Variants in DNAAF10 observed in about 807,000 individuals in gnomAD.
DNAAF10 encodes WD repeat domain 92.
Under a neutral mutation model 43.7 loss-of-function variants are expected in DNAAF10, and 28 were observed. The observed-to-expected ratio is 0.64, with a 90% CI of 0.48 to 0.88. DNAAF10 has a LOEUF of 0.88. Ranked by LOEUF, DNAAF10 falls within the 40% of genes least tolerant of loss-of-function variation. The pLI, the probability that DNAAF10 is intolerant of heterozygous loss-of-function variation, is 0.00. For synonymous variants in DNAAF10, 156 were observed against 157.3 expected (o/e 0.99, Z 0.06); for missense variants, 403 against 439.1 (o/e 0.92, Z 0.73).
chr2:68,149,868 C>A (rs1249996998), intron 1 of DNAAF10, among the ~76,000 whole-genome samples: 5 of 152,212 alleles, frequency 3.3e-5, no homozygotes, highest in Non-Finnish European at 7.3e-5. Flanking sequence ...TGGAAGCAGA[C>A]CCTCTGAGGT....
intron 6 of DNAAF10, among the ~76,000 whole-genome samples, chr2:68,136,711 C>G (rs1279464346): frequency 6.6e-6 from 1 of 152,018 alleles, no homozygotes; most frequent in African/African-American, 2.4e-5. Flanking sequence ...CAGAAACTAT[C>G]TTTTTTTTAA....
intron 3 of DNAAF10, among the ~76,000 whole-genome samples, chr2:68,142,299 C>T (rs1673199552): frequency 6.6e-6 from 1 of 152,140 alleles, no homozygotes; most frequent in Admixed American, 6.5e-5. Flanking sequence ...CTCACTCTGT[C>T]GCCCAGGAAT....
In DNAAF10 at chr2:68,130,914, CTTTTTTT is replaced by C. The variant is rs879114176; in HGVS notation, c.*317_*323del. 7 of 122,594 alleles carry C rather than the reference CTTTTTTT, an allele frequency of 5.7e-5. No individual in the cohort carries two copies. The highest frequency in any genetic ancestry group is 1.8e-4 in the South Asian group (1 of 5,488). 7.6% of individuals were successfully genotyped at this position (122,594 alleles called of 1,614,324 possible). A position where few individuals can be genotyped will look rare whatever the true frequency, so the allele number is the denominator to read the frequency against. ...CTCTGGAAGGTTTCAAGTCCAAAGT[CTTTTTTT>C]TTTTTTTTTTTTTTGAGACAGTCTT... On this transcript the variant is annotated 3_prime_UTR_variant, in exon 8 of 8. Coordinates refer to ENST00000295121, the MANE Select transcript of DNAAF10 (RefSeq NM_138458.4).
rs141727712 is a variant in DNAAF10 at position 68,138,758 on chromosome 2, G to C, written c.617C>G (p.Thr206Arg). 2.5e-6 allele frequency: 4 copies of C among 1,613,016 alleles called. No individual in the cohort carries two copies. The highest frequency in any genetic ancestry group is 3.4e-6 in the Non-Finnish European group (4 of 1,179,326). Residue 206 changes from threonine to arginine, a missense_variant, in exon 5 of 8, where the codon ACA (threonine) becomes AGA (arginine). By Grantham distance (71) the Thr-to-Arg change is moderately conservative (BLOSUM62 -1). Transcript: ENST00000295121. Reference sequence around the variant, plus strand: ...GTACTTTACCCCATTTTTGATGTTTGTCTCCCACCGTAATGCCATATTTCT... The same window carrying C: ...GTACTTTACCCCATTTTTGATGTTTCTCTCCCACCGTAATGCCATATTTCT... Reference protein sequence around the residue: ...DLRNMALRWETNIKNGVCSLE... With the variant: ...DLRNMALRWERNIKNGVCSLE...
chr2:68,139,722 T>G (rs1372343402), intron 4 of DNAAF10, among the ~76,000 whole-genome samples: 1 of 150,440 alleles, frequency 6.6e-6, no homozygotes, highest in Non-Finnish European at 1.5e-5. Context: ...GAGAATGGCA[T>G]GAACCTGGGA....
At chr2:68,144,306 C>T (rs1673261058) in intron 3 of DNAAF10, among the ~76,000 whole-genome samples, 1 of 152,208 alleles carries the variant, frequency 6.6e-6, no homozygotes, top group African/African-American at 2.4e-5. Flanking sequence ...CATTTTAAAT[C>T]CTTCAAGGTT....
chr2:68,135,181 A>G (rs962798231), intron 6 of DNAAF10, among the ~76,000 whole-genome samples: 1 of 152,176 alleles, frequency 6.6e-6, no homozygotes, highest in African/African-American at 2.4e-5. Flanking sequence ...ATATACGAAA[A>G]ATGTGGACTG....
intron 1 of DNAAF10, among the ~76,000 whole-genome samples, chr2:68,150,383 T>C (rs1673424361): frequency 6.6e-6 from 1 of 152,206 alleles, no homozygotes; most frequent in African/African-American, 2.4e-5. Flanking sequence ...TAAAGTTTTT[T>C]TAAAAATAAT....
intron 6 of DNAAF10, 139 bp downstream of exon 6, chr2:68,137,160 G>T: frequency 1.1e-6 from 1 of 946,576 alleles, no homozygotes; most frequent in Non-Finnish European, 1.4e-6. Flanking sequence ...AGAAAAACTT[G>T]TCAAGATCTC....
At chr2:68,154,830 T>C (rs1471926140) in intron 1 of DNAAF10, among the ~76,000 whole-genome samples, 4 of 152,142 alleles carry the variant, frequency 2.6e-5, no homozygotes, top group Non-Finnish European at 5.9e-5. Context: ...AGTGCAGTGG[T>C]GCGAACACAG....
chr2:68,136,361 T>C (rs1042905744), intron 6 of DNAAF10, among the ~76,000 whole-genome samples: 3 of 152,124 alleles, frequency 2.0e-5, no homozygotes, highest in African/African-American at 7.2e-5. Flanking sequence ...AGATACTTAA[T>C]ATATTCTGAA....
At chr2:68,149,968 A>G (rs1673413825) in intron 1 of DNAAF10, among the ~76,000 whole-genome samples, 2 of 152,180 alleles carry the variant, frequency 1.3e-5, no homozygotes, top group Admixed American at 6.5e-5. Context: ...TATTGACCCA[A>G]TTCTCTGGGA....
At position 68,131,446 on chromosome 2, in the gene DNAAF10, C is replaced by A; in HGVS notation, c.867-1G>T. On this transcript the variant is annotated splice_acceptor_variant, in intron 7 of 7. Coordinates refer to ENST00000295121, the MANE Select transcript of DNAAF10 (RefSeq NM_138458.4). LOFTEE classifies it high-confidence loss of function. Reference sequence around the variant, plus strand: ...CTTTGACCGCTGAATAGGGTATTCACTGAAAACAAGATCAAAATGGTAAGA... The same window carrying A: ...CTTTGACCGCTGAATAGGGTATTCAATGAAAACAAGATCAAAATGGTAAGA... The A allele has an allele frequency of 6.2e-7, 1 of 1,613,392 alleles. No individual in the cohort carries two copies. The highest frequency in any genetic ancestry group is 8.5e-7 in the Non-Finnish European group (1 of 1,179,444).
Position 68,130,719 on chromosome 2 carries a change from T to C in DNAAF10, c.*519A>G, listed in dbSNP as rs921177970. ...AGAACTGGCCCTGGAGATAGTTTAC[T>C]TGGTGCTTCTGATACCCACGTGCAG... is the stretch of plus-strand genomic sequence containing the variant. On this transcript the variant is annotated 3_prime_UTR_variant, in exon 8 of 8. Coordinates refer to ENST00000295121, the MANE Select transcript of DNAAF10 (RefSeq NM_138458.4). The C allele has an allele frequency of 5.2e-5, 8 of 153,872 alleles. No homozygotes were observed. The highest frequency in any genetic ancestry group is 1.9e-4 in the African/African-American group (8 of 41,442). The allele number at this position is 153,872 out of a possible 1,614,324, so 9.5% of individuals were successfully genotyped here.
chr2:68,131,040 C>T lies in DNAAF10; in HGVS notation c.*198G>A. 1 of 457,066 alleles carries T rather than the reference C, an allele frequency of 2.2e-6. No homozygotes were observed. Among genetic ancestry groups the T allele is most frequent in the East Asian group, 4.3e-5 (1 of 23,268 alleles). 28.3% of individuals were successfully genotyped at this position (457,066 alleles called of 1,614,324 possible). A position where few individuals can be genotyped will look rare whatever the true frequency, so the allele number is the denominator to read the frequency against. On this transcript the variant is annotated 3_prime_UTR_variant, in exon 8 of 8. Coordinates refer to ENST00000295121, the MANE Select transcript of DNAAF10 (RefSeq NM_138458.4). ...ACGCCATTCTCCTGCCTCAGCCTCC[C>T]AAGTAGCTAGGACTACAGATGCCCG... is the stretch of plus-strand genomic sequence containing the variant.
chr2:68,139,288 G>A (rs985647578), intron 4 of DNAAF10, among the ~76,000 whole-genome samples: 8 of 151,974 alleles, frequency 5.3e-5, no homozygotes, highest in Non-Finnish European at 7.4e-5. Context: ...TCCCTCTCTC[G>A]CCATGTGACA....
At chr2:68,140,061 G>A (rs889763426) in intron 4 of DNAAF10, among the ~76,000 whole-genome samples, 7 of 152,104 alleles carry the variant, frequency 4.6e-5, no homozygotes, top group African/African-American at 1.7e-4. Flanking sequence ...TTAGTAGTGT[G>A]GATGATCATA....
chr2:68,134,907 A>G, intron 6 of DNAAF10, 108 bp from the exon 7 acceptor site: 1 of 1,251,266 alleles, frequency 8.0e-7, no homozygotes. Flanking sequence ...TGGTTATAAA[A>G]GTAATTAAGG....
chr2:68,151,435 C>T (rs1673454601), intron 1 of DNAAF10, among the ~76,000 whole-genome samples: 1 of 152,180 alleles, frequency 6.6e-6, no homozygotes, highest in Non-Finnish European at 1.5e-5. Flanking sequence ...CTTGTCCCTC[C>T]AATCTGAAAA....
Sources: allele counts gnomAD v4.1 joint callset (sites outside exome capture counted in the v4.1 genomes callset), GRCh38; gene constraint gnomAD v4.1.1; transcripts MANE v1.5; gene names NCBI Gene and HGNC (gene_info 2026-07-23, HGNC 2026-07-21).